Variants in TMIGD1 observed in about 807,000 individuals in gnomAD.
TMIGD1 encodes transmembrane and immunoglobulin domain-containing protein 1.
TMIGD1 carries 29 observed loss-of-function variants against 27.5 expected under a neutral mutation model. The ratio of observed to expected loss-of-function variants is 1.05; its 90% CI spans 0.78 to 1.44. The LOEUF is 1.44. Ranked by LOEUF, TMIGD1 falls within the 40% of genes most tolerant of loss-of-function variation. TMIGD1 has a pLI of 0.00. For missense variants in TMIGD1, 334 were observed against 310.6 expected (o/e 1.08, Z -0.57); for synonymous variants, 109 against 110.3 (o/e 0.99, Z 0.07).
At chr17:30,316,995 A>G (rs888169371) in intron 6 of TMIGD1, 198 bp downstream of exon 6, 1 of 658,986 alleles carries the variant, frequency 1.5e-6, no homozygotes, top group Non-Finnish European at 2.7e-6. Flanking sequence ...GCTTAGGACT[A>G]AAGGTGTTCT....
chr17:30,317,538 C>A (rs11653943), intron 5 of TMIGD1, among the ~76,000 whole-genome samples: 7,034 of 152,164 alleles, frequency 0.046, 245 homozygotes, highest in Non-Finnish European at 0.066. Flanking sequence ...GCAGATGGAT[C>A]ATTTGAGGTC....
At chr17:30,329,212 A>C (rs372812176) in intron 3 of TMIGD1, 39 bp downstream of exon 3, 17 of 1,599,898 alleles carry the variant, frequency 1.1e-5, no homozygotes, top group Non-Finnish European at 1.1e-5. Context: ...TGTTACAGAC[A>C]TTACAGACCC....
chr17:30,325,720 G>A lies in TMIGD1; in HGVS notation c.362-626C>T, dbSNP rs568913598. ...TCACCGTCTGTTTTTGCATTTTATC[G>A]AACCATTGCCTTGGTAACATATTCA... On this transcript the variant is annotated intron_variant, in intron 3 of 6. Transcript: ENST00000328886. 9.1e-4 allele frequency among the ~76,000 whole-genome samples: 139 copies of A among 152,104 alleles called. 2 individuals are homozygous for A. In the South Asian group the frequency reaches 0.01, roughly 11 times the overall value.
chr17:30,317,387 A>G (rs1909449420), intron 5 of TMIGD1, among the ~76,000 whole-genome samples, 154 bp from the exon 6 acceptor site: 1 of 152,182 alleles, frequency 6.6e-6, no homozygotes, highest in South Asian at 2.1e-4. Flanking sequence ...AGTAGTTTTT[A>G]TTAAACTCAA....
chr17:30,321,636 C>G (rs1330204364), intron 4 of TMIGD1, among the ~76,000 whole-genome samples: 1 of 152,146 alleles, frequency 6.6e-6, no homozygotes. Flanking sequence ...ATTAAACAAA[C>G]AGACACTACA....
Position 30,324,978 on chromosome 17 carries a change from T to C in TMIGD1, c.478A>G (p.Ser160Gly). 1 of 1,614,154 alleles carries C rather than the reference T, an allele frequency of 6.2e-7. No individual in the cohort carries two copies. The highest frequency in any genetic ancestry group is 8.5e-7 in the Non-Finnish European group (1 of 1,179,998). Residue 160 changes from serine (S) to glycine (G), a missense_variant, in exon 4 of 7, where the codon AGT (serine) becomes GGT (glycine). Coordinates refer to ENST00000328886, the MANE Select transcript of TMIGD1 (RefSeq NM_206832.3). ...QAQMMWYKNSSLLDLEKSRHQ... is the reference protein window; with the variant it reads ...QAQMMWYKNSGLLDLEKSRHQ... Reference sequence around the variant, plus strand: ...CGGCTTTTCTCTAAATCGAGGAGACTACTGTTTTTGTACCACATCATTTGA... The same window carrying C: ...CGGCTTTTCTCTAAATCGAGGAGACCACTGTTTTTGTACCACATCATTTGA...
intron 2 of TMIGD1, among the ~76,000 whole-genome samples, chr17:30,331,438 C>T (rs566209275): frequency 1.3e-5 from 2 of 151,756 alleles, no homozygotes; most frequent in East Asian, 3.9e-4. Flanking sequence ...ATGGTATGTT[C>T]AGATAAACAG....
At chr17:30,326,625 T>C (rs1037538235) in intron 3 of TMIGD1, among the ~76,000 whole-genome samples, 2 of 152,232 alleles carry the variant, frequency 1.3e-5, no homozygotes, top group South Asian at 4.1e-4. Flanking sequence ...TTTAATCATT[T>C]GTGTTTTGAT....
At chr17:30,317,116 G>T in intron 6 of TMIGD1, 77 bp downstream of exon 6, 1 of 1,500,956 alleles carries the variant, frequency 6.7e-7, no homozygotes, top group Non-Finnish European at 9.3e-7. Context: ...CATCTCTGGA[G>T]TTTGTCTAGA....
intron 5 of TMIGD1, among the ~76,000 whole-genome samples, chr17:30,318,593 G>T (rs1275998191): frequency 6.6e-6 from 1 of 152,136 alleles, no homozygotes; most frequent in Non-Finnish European, 1.5e-5. Flanking sequence ...TTCAATTCAG[G>T]CTTTGCCCAT....
At chr17:30,319,898 A>C (rs1335827002) in intron 4 of TMIGD1, among the ~76,000 whole-genome samples, 1 of 152,094 alleles carries the variant, frequency 6.6e-6, no homozygotes, top group East Asian at 1.9e-4. Flanking sequence ...ACCTTGGCAA[A>C]GTTTTCTGCA....
chr17:30,322,469 A>G (rs1485898825), intron 4 of TMIGD1, among the ~76,000 whole-genome samples: 1 of 152,194 alleles, frequency 6.6e-6, no homozygotes, highest in Non-Finnish European at 1.5e-5. Context: ...ATGAAGCCAC[A>G]TGTGACAGCT....
intron 4 of TMIGD1, among the ~76,000 whole-genome samples, chr17:30,319,259 A>AG: frequency 1.9e-5 from 1 of 52,276 alleles, no homozygotes; most frequent in South Asian, 4.8e-4. Flanking sequence ...GAAAAAAAAA[A>AG]AAATATATAT....
At chr17:30,329,196 T>C in intron 3 of TMIGD1, 55 bp downstream of exon 3, 1 of 1,578,142 alleles carries the variant, frequency 6.3e-7, no homozygotes, top group South Asian at 1.2e-5. Context: ...CAACTACCAC[T>C]TCATGTGTTA....
chr17:30,325,668 C>T (rs1337880652), intron 3 of TMIGD1, among the ~76,000 whole-genome samples: 2 of 152,102 alleles, frequency 1.3e-5, no homozygotes, highest in African/African-American at 2.4e-5. Context: ...ATTATTATTA[C>T]GGTGGTGGTG....
At position 30,325,077 on chromosome 17, in the gene TMIGD1, C is replaced by T. The variant is rs981108526; in HGVS notation, c.379G>A (p.Gly127Arg). The T allele has an allele frequency of 2.5e-6, 4 of 1,611,852 alleles. No individual in the cohort carries two copies. The highest frequency in any genetic ancestry group is 3.4e-6 in the Non-Finnish European group (4 of 1,178,432). The change falls in exon 4 of 7, where the codon GGA becomes AGA. Residue 127 changes from glycine to arginine, a missense_variant. By Grantham distance (125) the Gly-to-Arg change is moderately radical. Coordinates refer to ENST00000328886, the MANE Select transcript of TMIGD1 (RefSeq NM_206832.3). Reference sequence around the variant, plus strand: ...TCCTCAACTGTTTGGAAGTCGTTTCCACTTAGGAGAGGAGGAACTGCAAGA... The same window carrying T: ...TCCTCAACTGTTTGGAAGTCGTTTCTACTTAGGAGAGGAGGAACTGCAAGA... ...LNVTFPPLLS[G>R]NDFQTVEEGS... is the part of the protein sequence containing the mutation.
intron 4 of TMIGD1, among the ~76,000 whole-genome samples, chr17:30,322,943 G>A (rs1284192694): frequency 3.3e-5 from 5 of 152,198 alleles, no homozygotes; most frequent in African/African-American, 1.2e-4. Flanking sequence ...AGCTGAGGTG[G>A]CAGATTGCTT....
Position 30,318,851 on chromosome 17 carries a change from A to T in TMIGD1, c.703T>A (p.Leu235Met). Reference sequence around the variant, plus strand: ...CTTCTAGCAATCAGTCCAAAGCACAATGTCAGAAAGATCACAACACATGCA... The same window carrying T: ...CTTCTAGCAATCAGTCCAAAGCACATTGTCAGAAAGATCACAACACATGCA... ...IAACVVIFLT[L>M]CFGLIARRKK... Residue 235 changes from leucine to methionine, a missense_variant, in exon 5 of 7, where the codon TTG (leucine) becomes ATG (methionine). Transcript: ENST00000328886. 6.2e-7 allele frequency: 1 copy of T among 1,613,972 alleles called. No individual in the cohort carries two copies. Among genetic ancestry groups the T allele is most frequent in the Non-Finnish European group, 8.5e-7 (1 of 1,179,914 alleles).
At chr17:30,330,889 C>T (rs1909953484) in intron 2 of TMIGD1, among the ~76,000 whole-genome samples, 1 of 152,158 alleles carries the variant, frequency 6.6e-6, no homozygotes, top group Non-Finnish European at 1.5e-5. Context: ...ACACATTAAC[C>T]TTCCTTTTAA....
Sources: gnomAD v4.1 joint callset for allele counts (sites outside exome capture counted in the v4.1 genomes callset) on GRCh38, gnomAD v4.1.1 for gene constraint, MANE v1.5 for transcripts, NCBI Gene and HGNC (gene_info 2026-07-23, HGNC 2026-07-21) for gene names.